Variants in BAG6 observed in about 807,000 individuals in gnomAD.
The protein encoded by BAG6 is large proline-rich protein BAG6.
In BAG6, 22 loss-of-function variants were observed where a neutral mutation model predicts 121.0. That is an observed-to-expected ratio of 0.18 (90% CI 0.13 to 0.26). BAG6 has a LOEUF of 0.26. Ranked by LOEUF, BAG6 falls within the 10% of genes least tolerant of loss-of-function variation. BAG6 has a pLI of 1.00. For missense variants in BAG6, 1,233 were observed against 1,537.7 expected (o/e 0.80, Z 3.31); for synonymous variants, 583 against 584.6 (o/e 1.00, Z 0.04).
rs764866182 is a variant in BAG6 at position 31,640,531 on chromosome 6, G to T, written c.2995-3C>A. The T allele has an allele frequency of 3.7e-6, 6 of 1,612,820 alleles. No individual in the cohort carries two copies. Among genetic ancestry groups the T allele is most frequent in the South Asian group, 2.2e-5 (2 of 91,086 alleles). On this transcript the variant is annotated splice_polypyrimidine_tract_variant and splice_region_variant and intron_variant, in intron 22 of 25. Coordinates refer to ENST00000676615, the MANE Select transcript of BAG6 (RefSeq NM_001387994.1). This position sits in a 1 kb window ranked among gnomAD's most constrained non-coding sequence, Gnocchi z 4.2. ...GGGGCTGGGGAAGCATTCTCCCGCTGGGTGTCAGATGGCGGGAAGAGCCAG... is the reference window on the plus strand; with the variant it reads ...GGGGCTGGGGAAGCATTCTCCCGCTTGGTGTCAGATGGCGGGAAGAGCCAG...
intron 2 of BAG6, among the ~76,000 whole-genome samples, chr6:31,650,980 T>C (rs966573809): frequency 6.6e-6 from 1 of 152,194 alleles, no homozygotes; most frequent in African/African-American, 2.4e-5. Flanking sequence ...TTTCTACCCT[T>C]TAAGAACACA....
chr6:31,643,848 G>T, intron 14 of BAG6, 42 bp downstream of exon 14: 1 of 1,597,678 alleles, frequency 6.3e-7, no homozygotes. Context: ...AGCAGACTAG[G>T]AAAGGAGTTT....
chr6:31,639,085 AG>A lies in BAG6; in HGVS notation c.*45del, dbSNP rs773279712. ...TATTTCTTAAATACTGTGAAGGAAG[AG>A]GGGGGAAACGGTCCCCTGATGAGGA... On this transcript the variant is annotated 3_prime_UTR_variant, in exon 26 of 26. Transcript: ENST00000676615. 2.0e-6 allele frequency: 3 copies of A among 1,487,896 alleles called. No homozygotes were observed. Among genetic ancestry groups the A allele is most frequent in the South Asian group, 1.2e-5 (1 of 85,930 alleles). 92.2% of individuals were successfully genotyped at this position (1,487,896 alleles called of 1,614,324 possible).
rs569424096 is a variant in BAG6 at position 31,642,012 on chromosome 6, A to G, written c.2336-67T>C. The G allele has an allele frequency of 2.5e-6, 4 of 1,598,414 alleles. No individual in the cohort carries two copies. The African/African-American group carries it at 5.4e-5, about 21-fold the overall frequency. On this transcript the variant is annotated intron_variant, in intron 16 of 25. Transcript: ENST00000676615. ...TGGCCTGCCCACCCACAACCAGATC[A>G]TCAACCTCATCCCACCTTGGCAACA...
At chr6:31,651,293 C>T (rs972983189) in intron 2 of BAG6, among the ~76,000 whole-genome samples, 3 of 152,210 alleles carry the variant, frequency 2.0e-5, no homozygotes, top group African/African-American at 7.2e-5. Flanking sequence ...AATACCAGCA[C>T]TTTGGGAGGC....
Position 31,651,788 on chromosome 6 carries a change from C to G in BAG6, c.-13-12G>C, listed in dbSNP as rs1377001037. The stretch of plus-strand genomic sequence containing the variant: ...TGGCCGACAGGTCTCTAAAGAAGAA[C>G]GAAGGAAGGAAGGCCCGCTGTTGCC... On this transcript the variant is annotated splice_polypyrimidine_tract_variant and intron_variant, in intron 1 of 25. Transcript: ENST00000676615. 5.0e-6 allele frequency: 8 copies of G among 1,607,246 alleles called. No homozygotes were observed. The highest frequency in any genetic ancestry group is 2.2e-5 in the East Asian group (1 of 44,840).
Position 31,641,263 on chromosome 6 carries a change from G to A in BAG6, c.2663-35C>T, listed in dbSNP as rs376286216. ...AAATACAAGGAGGGAATGCTGGCAC[G>A]TGGCAGCCCTGCACATGCAACAGGC... On this transcript the variant is annotated intron_variant, in intron 19 of 25. Coordinates refer to ENST00000676615, the MANE Select transcript of BAG6 (RefSeq NM_001387994.1). The surrounding 1 kb of genome is among the most constrained non-coding windows in gnomAD (Gnocchi z 5.7). 1.6e-4 allele frequency: 256 copies of A among 1,613,988 alleles called. 1 individual carries two copies. Among genetic ancestry groups the A allele is most frequent in the African/African-American group, 2.7e-5 (2 of 75,056 alleles).
At chr6:31,649,101 C>T (rs1283003924) in intron 4 of BAG6, 98 bp downstream of exon 4, 5 of 1,541,872 alleles carry the variant, frequency 3.2e-6, no homozygotes, top group Non-Finnish European at 4.4e-6. Context: ...GCCCCCTGAA[C>T]CCAATCTAAA....
chr6:31,652,646 T>TACTACGCCTGCGTGCGTCGC lies in BAG6; in HGVS notation c.-237_-236insGCGACGCACGCAGGCGTAGT, dbSNP rs1798724648. The TACTACGCCTGCGTGCGTCGC allele has an allele frequency of 6.6e-6, 1 of 152,530 alleles. No individual in the cohort carries two copies. The highest frequency in any genetic ancestry group is 1.5e-5 in the Non-Finnish European group (1 of 68,218). 9.4% of individuals were successfully genotyped at this position (152,530 alleles called of 1,614,324 possible). A position where few individuals can be genotyped will look rare whatever the true frequency, so the allele number is the denominator to read the frequency against. ...GCCACCGCTGTCGCCCGGGGGACCGTACTACGCCTGCGTGCGTCGCACTAC... is the reference window on the plus strand; with the variant it reads ...GCCACCGCTGTCGCCCGGGGGACCGTACTACGCCTGCGTGCGTCGCACTACGCCTGCGTGCGTCGCACTAC... On this transcript the variant is annotated 5_prime_UTR_variant, in exon 1 of 26. Coordinates refer to ENST00000676615, the MANE Select transcript of BAG6 (RefSeq NM_001387994.1).
intron 1 of BAG6, 131 bp from the exon 2 acceptor site, chr6:31,651,907 C>CACA (rs1797217113): frequency 5.0e-6 from 3 of 603,566 alleles, no homozygotes; most frequent in East Asian, 5.5e-5. Context: ...CACACCTGTC[C>CACA]CCATCCCCCT....
At position 31,641,952 on chromosome 6, in the gene BAG6, GA is replaced by G. The variant is rs1561890761; in HGVS notation, c.2336-8del. 6.2e-7 allele frequency: 1 copy of G among 1,612,668 alleles called. No homozygotes were observed. On this transcript the variant is annotated splice_region_variant and splice_polypyrimidine_tract_variant and intron_variant, in intron 16 of 25. Coordinates refer to ENST00000676615, the MANE Select transcript of BAG6 (RefSeq NM_001387994.1). The surrounding 1 kb of genome is among the most constrained non-coding windows in gnomAD (Gnocchi z 5.7). ...AGCAAGGCCCCAAAGAATCCTGGGG[GA>G]CAAGGGCAGATGTTAGCAATGGCCT...
rs977586311 is a variant in BAG6, at chr6:31,652,439, A to C, written c.-29T>G. 6.7e-6 allele frequency: 1 copy of C among 149,690 alleles called. No homozygotes were observed. The highest frequency in any genetic ancestry group is 2.5e-5 in the African/African-American group (1 of 40,364). 9.3% of individuals were successfully genotyped at this position (149,690 alleles called of 1,614,324 possible). On this transcript the variant is annotated 5_prime_UTR_variant, in exon 1 of 26. Transcript: ENST00000676615. The stretch of plus-strand genomic sequence containing the variant: ...TCCCCCAAACCTGCCACCGACGGCC[A>C]CTTCCGTTTCCCCGATAGTATTTGG...
At chr6:31,649,172 G>C (rs1793569138) in intron 4 of BAG6, 27 bp downstream of exon 4, 12 of 1,611,680 alleles carry the variant, frequency 7.4e-6, no homozygotes, top group Non-Finnish European at 9.3e-6. Flanking sequence ...ACCCACAAAA[G>C]CCCTCCCCTG....
chr6:31,648,495 T>C (rs750893299), intron 6 of BAG6, among the ~76,000 whole-genome samples, 182 bp downstream of exon 6: 11 of 152,264 alleles, frequency 7.2e-5, no homozygotes, highest in South Asian at 2.1e-4. Flanking sequence ...ACCAAGAGGA[T>C]TGGCAGAAAT....
intron 8 of BAG6, 69 bp downstream of exon 8, chr6:31,646,325 C>T (rs2242656): frequency 0.8 from 1,242,992 of 1,560,148 alleles, 497,819 homozygotes; most frequent in East Asian, 0.84. Context: ...GAGTTATCTG[C>T]ATTTCAGCCT....
Position 31,640,199 on chromosome 6 carries a change from C to A in BAG6, c.3246G>T (p.Lys1082Asn). Residue 1082 changes from lysine to asparagine, a missense_variant and splice_region_variant, in exon 24 of 26, where the codon AAG becomes AAT. This residue lies in a region of BAG6 where 288 missense variants were observed against 483.1 expected (regional missense o/e 0.60). Coordinates refer to ENST00000676615, the MANE Select transcript of BAG6 (RefSeq NM_001387994.1). This position sits in a 1 kb window ranked among gnomAD's most constrained non-coding sequence, Gnocchi z 4.2. ...YLSGMPAKRR[K>N]TMQGEGPQLL... is the part of the protein sequence containing the mutation. ...AGGCTTAGGGAAGAGGAAAACCAAC[C>A]TTGCGTCTCTTGGCAGGCATACCAC... The A allele has an allele frequency of 6.2e-7, 1 of 1,614,116 alleles. No homozygotes were observed. Among genetic ancestry groups the A allele is most frequent in the Non-Finnish European group, 8.5e-7 (1 of 1,180,010 alleles).
At chr6:31,646,266 G>GT in intron 8 of BAG6, 128 bp downstream of exon 8, 1 of 1,388,622 alleles carries the variant, frequency 7.2e-7, no homozygotes, top group Non-Finnish European at 9.7e-7. Context: ...GATTACAGGC[G>GT]TGAGCCACTG....
chr6:31,639,319 TC>T (rs5875329), intron 25 of BAG6, 93 bp from the exon 26 acceptor site: 66 of 1,419,442 alleles, frequency 4.6e-5, no homozygotes, highest in Admixed American at 2.9e-4. Flanking sequence ...AGCTAACATT[TC>T]CCCCCCCAAG....
Position 31,641,182 on chromosome 6 carries a change from C to T in BAG6, c.2709G>A (p.Leu903=), listed in dbSNP as rs1288577861. 3 of 1,613,882 alleles carry T rather than the reference C, an allele frequency of 1.9e-6. No homozygotes were observed. Residue 903 remains leucine (L), a synonymous_variant, in exon 20 of 26, where the codon CTG becomes CTA. Coordinates refer to ENST00000676615, the MANE Select transcript of BAG6 (RefSeq NM_001387994.1). This position sits in a 1 kb window ranked among gnomAD's most constrained non-coding sequence, Gnocchi z 5.7. ...GCAGGTTTAGGGCCAGGCATTCAAA[C>T]AGGCCTTGGTTACACAACTCCAGCA... ...ARLLELCNQG[L]FECLALNLHC... is the part of the protein sequence containing the mutation.
Sources: gnomAD v4.1 joint callset for allele counts (sites outside exome capture counted in the v4.1 genomes callset) on GRCh38, gnomAD v4.1.1 for gene constraint, gnomAD v4.1.1 regional missense constraint, Gnocchi (gnomAD v3.1) non-coding constraint, MANE v1.5 for transcripts, NCBI Gene and HGNC (gene_info 2026-07-23, HGNC 2026-07-21) for gene names.